LRRC1: variants seen among roughly 807,000 people sequenced by gnomAD.
LRRC1 encodes the protein leucine-rich repeat-containing protein 1.
In LRRC1, 28 loss-of-function variants were observed where a neutral mutation model predicts 69.9. The observed-to-expected ratio is 0.40, with a 90% confidence interval of 0.30 to 0.55. LRRC1 has a LOEUF of 0.55. Ranked by LOEUF, LRRC1 falls within the 20% of genes least tolerant of loss-of-function variation. LRRC1 has a pLI of 0.47. For synonymous variants in LRRC1, 236 were observed against 240.2 expected (o/e 0.98, Z 0.16); for missense variants, 498 against 609.0 (o/e 0.82, Z 1.92).
chr6:53,805,313 G>T (rs1764606819), intron 1 of LRRC1, among the ~76,000 whole-genome samples: 1 of 152,124 alleles, frequency 6.6e-6, no homozygotes, highest in Non-Finnish European at 1.5e-5. Context: ...TGCAGACGGG[G>T]AGCTTTTGTG....
chr6:53,875,901 A>G (rs987860336), intron 2 of LRRC1, among the ~76,000 whole-genome samples: 1 of 152,202 alleles, frequency 6.6e-6, no homozygotes, highest in African/African-American at 2.4e-5. Context: ...GGAACTTTCT[A>G]TATCCTCCTT....
chr6:53,870,332 C>T (rs372683728), intron 2 of LRRC1, among the ~76,000 whole-genome samples: 6 of 152,142 alleles, frequency 3.9e-5, no homozygotes, highest in Non-Finnish European at 7.4e-5. Flanking sequence ...ACATACCTTT[C>T]GTCTTTTCCC....
chr6:53,856,164 C>G (rs1018764487), intron 2 of LRRC1, among the ~76,000 whole-genome samples: 2 of 152,198 alleles, frequency 1.3e-5, no homozygotes, highest in African/African-American at 2.4e-5. Context: ...TAGTGAAAGT[C>G]TTGGCAACAG....
intron 1 of LRRC1, among the ~76,000 whole-genome samples, chr6:53,825,669 C>G (rs147038049): frequency 5.8e-4 from 89 of 152,176 alleles, no homozygotes; most frequent in Middle Eastern, 3.4e-3. Flanking sequence ...CACTGCAGAC[C>G]TATTGAGTAA....
At chr6:53,808,007 T>C (rs1764684588) in intron 1 of LRRC1, among the ~76,000 whole-genome samples, 1 of 152,208 alleles carries the variant, frequency 6.6e-6, no homozygotes, top group Non-Finnish European at 1.5e-5. Context: ...GGTGAGGATA[T>C]TGGCAGGGCC....
At chr6:53,859,739 C>T (rs1368353016) in intron 2 of LRRC1, among the ~76,000 whole-genome samples, 1 of 152,044 alleles carries the variant, frequency 6.6e-6, no homozygotes, top group East Asian at 1.9e-4. Context: ...TTGACTTTTC[C>T]TTTACTTGTT....
intron 3 of LRRC1, among the ~76,000 whole-genome samples, chr6:53,882,522 T>A (rs921674777): frequency 2.0e-5 from 3 of 152,214 alleles, no homozygotes; most frequent in African/African-American, 4.8e-5. Flanking sequence ...AATAAAGTAT[T>A]TTTACTCTTA....
intron 1 of LRRC1, among the ~76,000 whole-genome samples, chr6:53,812,893 C>T (rs1764837319): frequency 6.6e-6 from 1 of 151,580 alleles, no homozygotes; most frequent in African/African-American, 2.4e-5. Flanking sequence ...ATGGGCATTG[C>T]TGAGGTTGGC....
At chr6:53,795,566 C>G (rs753438830) in intron 1 of LRRC1, 151 bp downstream of exon 1, 4 of 735,624 alleles carry the variant, frequency 5.4e-6, no homozygotes, top group African/African-American at 1.8e-5. Flanking sequence ...CCCCCTGTCT[C>G]TTTACTTCCA....
intron 4 of LRRC1, among the ~76,000 whole-genome samples, chr6:53,895,204 C>T (rs905573952): frequency 2.6e-5 from 4 of 152,292 alleles, no homozygotes; most frequent in Non-Finnish European, 4.4e-5. Flanking sequence ...AGGGGTGAGC[C>T]ACCGCGCCCG....
intron 1 of LRRC1, among the ~76,000 whole-genome samples, chr6:53,827,310 C>A (rs375294465): frequency 3.0e-3 from 376 of 125,660 alleles, no homozygotes; most frequent in South Asian, 4.9e-3. Flanking sequence ...AACACTTCCA[C>A]AAAAAAAAAA....
intron 4 of LRRC1, among the ~76,000 whole-genome samples, chr6:53,895,791 C>G (rs191750986): frequency 1.3e-5 from 2 of 152,296 alleles, no homozygotes; most frequent in African/African-American, 4.8e-5. Flanking sequence ...GGATTACATC[C>G]AAGAGGCTGG....
intron 2 of LRRC1, among the ~76,000 whole-genome samples, chr6:53,859,416 C>A (rs146725549): frequency 6.3e-4 from 96 of 152,228 alleles, no homozygotes; most frequent in Middle Eastern, 3.4e-3. Context: ...GAAATGCATG[C>A]AACTTTAAGA....
intron 4 of LRRC1, among the ~76,000 whole-genome samples, chr6:53,891,763 C>A (rs1011527547): frequency 6.6e-6 from 1 of 151,998 alleles, no homozygotes; most frequent in African/African-American, 2.4e-5. Context: ...GTAGGCAGAT[C>A]ACCTGGGGTC....
At chr6:53,806,950 G>C (rs1764650874) in intron 1 of LRRC1, among the ~76,000 whole-genome samples, 1 of 152,182 alleles carries the variant, frequency 6.6e-6, no homozygotes, top group Non-Finnish European at 1.5e-5. Context: ...GGTTGAATTT[G>C]GCTGGGATCT....
chr6:53,805,116 G>A (rs1207438755), intron 1 of LRRC1, among the ~76,000 whole-genome samples: 1 of 152,100 alleles, frequency 6.6e-6, no homozygotes, highest in African/African-American at 2.4e-5. Flanking sequence ...GCTTTAGTCA[G>A]TTGAGCAGGT....
chr6:53,807,753 A>T lies in LRRC1; in HGVS notation c.159+12338A>T, dbSNP rs1440524117. On this transcript the variant is annotated intron_variant, in intron 1 of 13. Coordinates refer to ENST00000370888, the MANE Select transcript of LRRC1 (RefSeq NM_018214.5). Reference sequence around the variant, plus strand: ...AGAGTGAAACTCCGTGTCGTCAACAACAACAACAACAACAACAACAACAAC... The same window carrying T: ...AGAGTGAAACTCCGTGTCGTCAACATCAACAACAACAACAACAACAACAAC... Among the ~76,000 whole-genome samples the T allele has an allele frequency of 2.9e-3, 19 of 6,448 alleles. No homozygotes were observed. The Admixed American group carries it at 0.054, about 18-fold the overall frequency. 4.2% of individuals were successfully genotyped at this position (6,448 alleles called of 152,430 possible).
intron 2 of LRRC1, among the ~76,000 whole-genome samples, chr6:53,872,082 T>C (rs1048442625): frequency 6.6e-6 from 1 of 152,164 alleles, no homozygotes; most frequent in African/African-American, 2.4e-5. Context: ...TAGTTTCAGG[T>C]CTTACATTTA....
At chr6:53,887,874 T>G (rs1767540674) in intron 4 of LRRC1, among the ~76,000 whole-genome samples, 1 of 152,318 alleles carries the variant, frequency 6.6e-6, no homozygotes, top group East Asian at 1.9e-4. Context: ...CAGTGGGGTC[T>G]TACTGAGTCG....
Sources: allele counts gnomAD v4.1 joint callset (sites outside exome capture counted in the v4.1 genomes callset), GRCh38; gene constraint gnomAD v4.1.1; transcripts MANE v1.5; gene names NCBI Gene and HGNC (gene_info 2026-07-23, HGNC 2026-07-21).